The following CTNNA1 variants were observed in gnomAD, a reference collection of about 807,000 sequenced individuals.
The protein encoded by CTNNA1 is catenin alpha 1, also known as catenin alpha-1.
Under a neutral mutation model 98.4 loss-of-function variants are expected in CTNNA1, and 37 were observed. The ratio of observed to expected loss-of-function variants is 0.38; its 90% confidence interval spans 0.29 to 0.49. The LOEUF is 0.49. Ranked by LOEUF, CTNNA1 falls within the 20% of genes least tolerant of loss-of-function variation. The probability of loss-of-function intolerance (pLI) is 0.95; values close to 1 mark genes in which losing one functional copy is unlikely to be tolerated. For synonymous variants in CTNNA1, 404 were observed against 413.2 expected, an observed-to-expected ratio of 0.98 and a Z score of 0.27; for missense variants, 761 against 1,147.2, an observed-to-expected ratio of 0.66 and a Z score of 4.86.
Position 138,783,179 on chromosome 5 carries a change from T to G in CTNNA1, c.108T>G (p.Val36=). The G allele has an allele frequency of 1.3e-6, 2 of 1,593,524 alleles. No homozygotes were observed. The highest frequency in any genetic ancestry group is 1.7e-6 in the Non-Finnish European group (2 of 1,169,258). The change falls in exon 3 of 18, where the codon GTT becomes GTG. Residue 36 remains valine (V), a splice_region_variant and synonymous_variant. Transcript: ENST00000302763. ...ERLLEPLVTQ[V]TTLVNTNSKG... Reference sequence around the variant, plus strand: ...AATGTTAAAAATGAAACTTTTAGGTTACAACCCTTGTAAACACCAATAGTA... The same window carrying G: ...AATGTTAAAAATGAAACTTTTAGGTGACAACCCTTGTAAACACCAATAGTA...
chr5:138,924,722 C>A lies in CTNNA1; in HGVS notation c.1747+12C>A. ...GCTCTCCAACACAGGTACGGGAACTCTCCCTTTCCAGTGCTCGCACACACC... is the reference window on the plus strand; with the variant it reads ...GCTCTCCAACACAGGTACGGGAACTATCCCTTTCCAGTGCTCGCACACACC... On this transcript the variant is annotated intron_variant, in intron 12 of 17. Transcript: ENST00000302763. 1 of 1,556,592 alleles carries A rather than the reference C, an allele frequency of 6.4e-7. No homozygotes were observed. The highest frequency in any genetic ancestry group is 1.2e-5 in the South Asian group (1 of 84,598).
At chr5:138,932,488 T>C in intron 16 of CTNNA1, 90 bp from the exon 17 acceptor site, 14 of 1,539,726 alleles carry the variant, frequency 9.1e-6, no homozygotes, top group Non-Finnish European at 1.2e-5. Flanking sequence ...AGCATGTGAG[T>C]GCCACACTGA....
At chr5:138,880,976 A>G in intron 7 of CTNNA1, 1 of 447,204 alleles carries the variant, frequency 2.2e-6, no homozygotes, top group Non-Finnish European at 4.5e-6. Flanking sequence ...TTGTTAATGC[A>G]AAGAAAATTC....
intron 1 of CTNNA1, among the ~76,000 whole-genome samples, chr5:138,763,543 A>G (rs764673179): frequency 3.3e-5 from 5 of 152,138 alleles, no homozygotes; most frequent in South Asian, 2.1e-4. Flanking sequence ...AGGTCTCACC[A>G]TATTGCTTAG....
intron 7 of CTNNA1, among the ~76,000 whole-genome samples, chr5:138,834,756 G>A (rs148323704): frequency 1.3e-5 from 2 of 152,300 alleles, no homozygotes; most frequent in East Asian, 1.9e-4. Context: ...CCAGGTCTGG[G>A]ATAGCTGCTT....
intron 5 of CTNNA1, among the ~76,000 whole-genome samples, chr5:138,815,861 T>C (rs544019578): frequency 2.9e-4 from 44 of 152,226 alleles, no homozygotes; most frequent in South Asian, 4.1e-4. Context: ...CACAAAATGG[T>C]CTTTTATAGG....
At chr5:138,769,707 A>G (rs972546613) in intron 1 of CTNNA1, among the ~76,000 whole-genome samples, 20 of 150,848 alleles carry the variant, frequency 1.3e-4, no homozygotes, top group Admixed American at 2.6e-4. Flanking sequence ...CTAATTTTGT[A>G]TTTTTAGTGG....
Position 138,795,075 on chromosome 5 carries a change from G to C in CTNNA1, c.301+11703G>C, listed in dbSNP as rs369678852. Among the ~76,000 whole-genome samples the C allele has an allele frequency of 3.0e-4, 45 of 150,256 alleles. 2 individuals are homozygous for C. The East Asian group carries it at 6.9e-3, about 23-fold the overall frequency. The stretch of plus-strand genomic sequence containing the variant: ...TGAGGTGGGAGAATCACTTGAACTC[G>C]GGAGGTGAAGCTTGCAATAAGCCAA... On this transcript the variant is annotated intron_variant, in intron 3 of 17. Coordinates refer to ENST00000302763, the MANE Select transcript of CTNNA1 (RefSeq NM_001903.5).
chr5:138,932,524 G>T, intron 16 of CTNNA1, 54 bp from the exon 17 acceptor site: 1 of 1,601,250 alleles, frequency 6.2e-7, no homozygotes, highest in South Asian at 1.1e-5. Context: ...CCGTGGGGTC[G>T]GGGGTGCTTG....
At chr5:138,852,472 T>G (rs1581269782) in intron 7 of CTNNA1, among the ~76,000 whole-genome samples, 2 of 141,956 alleles carry the variant, frequency 1.4e-5, no homozygotes, top group Non-Finnish European at 1.5e-5. Flanking sequence ...GTGGGGGGGG[T>G]ACACATTTGT....
At chr5:138,760,081 G>A (rs1166220075) in intron 1 of CTNNA1, among the ~76,000 whole-genome samples, 2 of 127,984 alleles carry the variant, frequency 1.6e-5, no homozygotes, top group Non-Finnish European at 3.1e-5. Context: ...CACAACCTCC[G>A]CCTCCCGGGT....
chr5:138,822,613 A>T (rs763601178), intron 5 of CTNNA1, among the ~76,000 whole-genome samples: 3 of 152,220 alleles, frequency 2.0e-5, no homozygotes, highest in Non-Finnish European at 4.4e-5. Context: ...CCAGCTGTTT[A>T]AGTGTAATGT....
chr5:138,904,054 G>A (rs1758645301), intron 9 of CTNNA1, among the ~76,000 whole-genome samples: 1 of 152,168 alleles, frequency 6.6e-6, no homozygotes, highest in Non-Finnish European at 1.5e-5. Context: ...TTTTTCTGAA[G>A]TTACTGTTCA....
At chr5:138,932,317 G>T in intron 16 of CTNNA1, 1 of 1,259,452 alleles carries the variant, frequency 7.9e-7, no homozygotes, top group Non-Finnish European at 1.0e-6. Flanking sequence ...TCAGTGGGAG[G>T]CTCAGAAGGC....
At chr5:138,776,039 CT>C (rs57467422) in intron 1 of CTNNA1, among the ~76,000 whole-genome samples, 56 of 83,874 alleles carry the variant, frequency 6.7e-4, no homozygotes, top group African/African-American at 1.7e-3. Flanking sequence ...GGAAATGTTT[CT>C]TTTTTTTTTT....
chr5:138,866,466 A>G (rs1284101966), intron 7 of CTNNA1, among the ~76,000 whole-genome samples: 5 of 152,144 alleles, frequency 3.3e-5, no homozygotes, highest in African/African-American at 1.2e-4. Context: ...GATGAAAGCT[A>G]TAAAAAGGCT....
rs371052704 is a variant in CTNNA1 at position 138,827,650 on chromosome 5, C to T, written c.994C>T (p.Arg332Ter). 1.2e-6 allele frequency: 2 copies of T among 1,614,188 alleles called. No individual in the cohort carries two copies. Among genetic ancestry groups the T allele is most frequent in the South Asian group, 1.1e-5 (1 of 91,086 alleles). ...CTGCACGCGTGATGACCGTCGTGAG[C>T]GAATTGTGGCAGAGTGTAATGCTGT... ...SSCTRDDRRE[R>*]IVAECNAVRQ... is the part of the protein sequence containing the mutation. Residue 332 changes from arginine to a stop codon, truncating the protein, a stop_gained, in exon 7 of 18, where the codon CGA becomes TGA. Coordinates refer to ENST00000302763, the MANE Select transcript of CTNNA1 (RefSeq NM_001903.5). LOFTEE classifies it high-confidence loss of function.
At chr5:138,776,932 G>A (rs1339909122) in intron 1 of CTNNA1, among the ~76,000 whole-genome samples, 7 of 138,274 alleles carry the variant, frequency 5.1e-5, no homozygotes, top group South Asian at 2.3e-4. Flanking sequence ...GGACGGGGCG[G>A]CTGGCCGGGC....
Position 138,827,578 on chromosome 5 carries a change from C to T in CTNNA1, c.922C>T (p.Arg308Cys), listed in dbSNP as rs202131041. 9.7e-5 allele frequency: 157 copies of T among 1,614,222 alleles called. No individual in the cohort carries two copies. The highest frequency in any genetic ancestry group is 5.3e-4 in the East Asian group (24 of 44,888). ...EERFRPSLEE[R>C]LESIISGAAL... Reference sequence around the variant, plus strand: ...GCGCTTTAGGCCTTCCCTGGAGGAGCGTCTGGAAAGCATCATTAGTGGGGC... The same window carrying T: ...GCGCTTTAGGCCTTCCCTGGAGGAGTGTCTGGAAAGCATCATTAGTGGGGC... The change falls in exon 7 of 18, where the codon CGT becomes TGT. Residue 308 changes from arginine (R) to cysteine (C), a missense_variant. Arg to Cys is a radical substitution (Grantham distance 180, BLOSUM62 -3). Around this residue, in one of 6 missense-constraint regions of CTNNA1, gnomAD observed 287 missense variants for 436.0 expected, o/e 0.66. Coordinates refer to ENST00000302763, the MANE Select transcript of CTNNA1 (RefSeq NM_001903.5).
Sources: allele counts gnomAD v4.1 joint callset (sites outside exome capture counted in the v4.1 genomes callset), GRCh38; gene constraint gnomAD v4.1.1; regional missense constraint gnomAD v4.1.1; transcripts MANE v1.5; gene names NCBI Gene and HGNC (gene_info 2026-07-23, HGNC 2026-07-21).